Variants in RBFOX3 observed in about 807,000 individuals in gnomAD.
The protein encoded by RBFOX3 is RNA binding fox-1 homolog 3.
Under a neutral mutation model 48.7 loss-of-function variants are expected in RBFOX3, and 17 were observed. The observed-to-expected ratio is 0.35, with a 90% CI of 0.24 to 0.52. The LOEUF (loss-of-function observed/expected upper bound fraction) is 0.52, where lower values mean the gene tolerates loss of function less well. Ranked by LOEUF, RBFOX3 falls within the 20% of genes least tolerant of loss-of-function variation. The pLI is 0.94. For missense variants in RBFOX3, 382 were observed against 497.5 expected (o/e 0.77, Z 2.21); for synonymous variants, 212 against 209.5 (o/e 1.01, Z -0.10).
intron 1 of RBFOX3, among the ~76,000 whole-genome samples, chr17:79,502,410 AC>A (rs1457456820): frequency 6.6e-6 from 1 of 152,180 alleles, no homozygotes; most frequent in Non-Finnish European, 1.5e-5. Flanking sequence ...GGGAAAAATG[AC>A]AAAGTTCTAC....
intron 1 of RBFOX3, among the ~76,000 whole-genome samples, chr17:79,539,919 G>A (rs1299877903): frequency 2.6e-5 from 4 of 152,152 alleles, no homozygotes; most frequent in Admixed American, 2.6e-4. Context: ...GGTCCCACGC[G>A]ATGTGTAACA....
At chr17:79,124,335 C>T (rs1279282440) in intron 4 of RBFOX3, among the ~76,000 whole-genome samples, 1 of 152,256 alleles carries the variant, frequency 6.6e-6, no homozygotes, top group Non-Finnish European at 1.5e-5. Context: ...CCCCGGAGGC[C>T]TGAACGTGTG....
the RBFOX3 span, among the ~76,000 whole-genome samples, chr17:79,623,823 T>TCAAAAAAAAAAAAA: frequency 9.4e-6 from 1 of 106,028 alleles, no homozygotes; most frequent in African/African-American, 3.9e-5. Context: ...ACTCTGTCTC[T>TCAAAAAAAAAAAAA]AAAAAAAAAA....
At chr17:79,274,273 C>T (rs1037638) in intron 3 of RBFOX3, among the ~76,000 whole-genome samples, 5,205 of 152,222 alleles carry the variant, frequency 0.034, 285 homozygotes, top group African/African-American at 0.12. Context: ...TTTCCTGCCC[C>T]TGTAACCTGG....
the RBFOX3 span, among the ~76,000 whole-genome samples, chr17:79,649,575 G>A: frequency 2.6e-5 from 4 of 152,168 alleles, no homozygotes; most frequent in Non-Finnish European, 4.4e-5. Context: ...GCATGATGGC[G>A]GAGGCCTGTA....
At chr17:79,131,155 C>T (rs1211286915) in intron 4 of RBFOX3, among the ~76,000 whole-genome samples, 2 of 151,492 alleles carry the variant, frequency 1.3e-5, no homozygotes, top group African/African-American at 2.4e-5. Flanking sequence ...TTGTGTGTAC[C>T]GTGTGTGAGC....
At chr17:79,164,084 G>C (rs1048742124) in intron 4 of RBFOX3, among the ~76,000 whole-genome samples, 1 of 152,210 alleles carries the variant, frequency 6.6e-6, no homozygotes, top group Non-Finnish European at 1.5e-5. Flanking sequence ...TCTGTACCAG[G>C]GTTCGGAAAA....
chr17:79,364,015 C>G lies in RBFOX3; in HGVS notation c.-174-56191G>C, dbSNP rs757262431. Among the ~76,000 whole-genome samples, 1 of 152,194 alleles carries G rather than the reference C, an allele frequency of 6.6e-6. No homozygotes were observed. The highest frequency in any genetic ancestry group is 1.5e-5 in the Non-Finnish European group (1 of 68,048). On this transcript the variant is annotated intron_variant, in intron 2 of 14. Transcript: ENST00000693108. This position sits in a 1 kb window ranked among gnomAD's most constrained non-coding sequence, Gnocchi z 5.1. ...CAGGCTTTATGGGGCTGTGCCTTCT[C>G]AAGCCTCAGCTCAGATGCCAGGTCC... is the stretch of plus-strand genomic sequence containing the variant.
chr17:79,475,540 G>A (rs1364868725), intron 2 of RBFOX3, among the ~76,000 whole-genome samples: 1 of 152,172 alleles, frequency 6.6e-6, no homozygotes, highest in Non-Finnish European at 1.5e-5. Context: ...CCAGGACCTG[G>A]GAATGTGGCC....
chr17:79,308,661 C>G (rs575735625), intron 2 of RBFOX3, among the ~76,000 whole-genome samples: 53 of 152,260 alleles, frequency 3.5e-4, no homozygotes, highest in African/African-American at 1.3e-3. Flanking sequence ...GTCATAAAGT[C>G]ATGAGGGTGG....
At chr17:79,498,202 C>T (rs1555775612) in intron 1 of RBFOX3, among the ~76,000 whole-genome samples, 3 of 152,186 alleles carry the variant, frequency 2.0e-5, no homozygotes. Context: ...AGTATGCTCT[C>T]CCTCAGGGAT....
intron 5 of RBFOX3, among the ~76,000 whole-genome samples, chr17:79,108,241 C>A (rs753277): frequency 6.6e-6 from 1 of 152,068 alleles, no homozygotes; most frequent in Non-Finnish European, 1.5e-5. Flanking sequence ...CTTTCTGGAG[C>A]GGCCGTAGAG....
At chr17:79,386,261 CG>C (rs1305753561) in intron 2 of RBFOX3, among the ~76,000 whole-genome samples, 1 of 149,280 alleles carries the variant, frequency 6.7e-6, no homozygotes, top group African/African-American at 2.5e-5. Context: ...CCACACCAGA[CG>C]GGGGCTCCAT....
intron 3 of RBFOX3, among the ~76,000 whole-genome samples, chr17:79,236,710 T>C (rs920804784): frequency 6.6e-6 from 1 of 152,144 alleles, no homozygotes; most frequent in African/African-American, 2.4e-5. Context: ...GGACCACCAC[T>C]CACTCACTTT....
intron 2 of RBFOX3, among the ~76,000 whole-genome samples, chr17:79,371,348 G>A (rs868282632): frequency 3.9e-5 from 6 of 152,334 alleles, no homozygotes; most frequent in African/African-American, 9.6e-5. Context: ...AGCTTTGCCC[G>A]TGGCCAGATT....
At chr17:79,446,461 G>A (rs959191908) in intron 2 of RBFOX3, among the ~76,000 whole-genome samples, 1 of 152,192 alleles carries the variant, frequency 6.6e-6, no homozygotes, top group Non-Finnish European at 1.5e-5. Context: ...GACTCCAGAG[G>A]TGAGGCTCAG....
intron 1 of RBFOX3, among the ~76,000 whole-genome samples, chr17:79,493,399 T>C (rs2080985263): frequency 6.6e-6 from 1 of 152,158 alleles, no homozygotes; most frequent in Non-Finnish European, 1.5e-5. Flanking sequence ...GAGCGTCAGA[T>C]GCTACAAAGG....
At chr17:79,500,186 G>A (rs894360102) in intron 1 of RBFOX3, among the ~76,000 whole-genome samples, 3 of 152,004 alleles carry the variant, frequency 2.0e-5, no homozygotes, top group African/African-American at 7.3e-5. Flanking sequence ...AGACCCATAA[G>A]GGAGACCAGC....
At chr17:79,377,922 C>T (rs2059417907) in intron 2 of RBFOX3, among the ~76,000 whole-genome samples, 1 of 152,182 alleles carries the variant, frequency 6.6e-6, no homozygotes, top group African/African-American at 2.4e-5. Context: ...AGGCCCAGGG[C>T]CCATACAAAT....
Sources: gnomAD v4.1 joint callset for allele counts (sites outside exome capture counted in the v4.1 genomes callset) on GRCh38, gnomAD v4.1.1 for gene constraint, Gnocchi (gnomAD v3.1) non-coding constraint, MANE v1.5 for transcripts, NCBI Gene and HGNC (gene_info 2026-07-23, HGNC 2026-07-21) for gene names.